Variants in ACAD10 observed in about 807,000 individuals in gnomAD.
The protein encoded by ACAD10 is acyl-CoA dehydrogenase family member 10.
A neutral mutation model predicts 116.8 loss-of-function variants in ACAD10; 112 were observed. The observed-to-expected ratio is 0.96, with a 90% confidence interval of 0.82 to 1.12. The LOEUF is 1.12. ACAD10 is among the 50% of genes most tolerant of loss of function. The pLI is 0.00. For missense variants in ACAD10, 1,259 were observed against 1,350.2 expected (o/e 0.93, Z 1.06); for synonymous variants, 486 against 510.6 (o/e 0.95, Z 0.65).
At position 111,750,785 on chromosome 12, in the gene ACAD10, A is replaced by T. The variant is rs570374629; in HGVS notation, c.2817+1440A>T. Among the ~76,000 whole-genome samples, 16 of 152,112 alleles carry T rather than the reference A, an allele frequency of 1.1e-4. No individual in the cohort carries two copies. The South Asian group carries it at 1.7e-3, about 16-fold the overall frequency. On this transcript the variant is annotated intron_variant, in intron 18 of 20. Coordinates refer to ENST00000313698, the MANE Select transcript of ACAD10 (RefSeq NM_025247.6). Reference sequence around the variant, plus strand: ...CAGCTGCTTCCAGGACAGGAATTCAAATTGGTGATTATCAATTTCAGAAAG... The same window carrying T: ...CAGCTGCTTCCAGGACAGGAATTCATATTGGTGATTATCAATTTCAGAAAG...
At chr12:111,720,164 A>G (rs1888977028) in intron 7 of ACAD10, among the ~76,000 whole-genome samples, 1 of 152,202 alleles carries the variant, frequency 6.6e-6, no homozygotes, top group African/African-American at 2.4e-5. Context: ...GTGCTGGGCT[A>G]GATTTTAATT....
intron 10 of ACAD10, among the ~76,000 whole-genome samples, chr12:111,731,609 G>A (rs1889385997): frequency 6.6e-6 from 1 of 152,192 alleles, no homozygotes; most frequent in African/African-American, 2.4e-5. Context: ...AGTGAAGTAT[G>A]ATGATCATTT....
chr12:111,725,927 A>G (rs1451897142), intron 8 of ACAD10, among the ~76,000 whole-genome samples: 2 of 152,102 alleles, frequency 1.3e-5, no homozygotes, highest in Non-Finnish European at 2.9e-5. Flanking sequence ...AATTTCCCCA[A>G]TCCAAAACAT....
chr12:111,744,627 C>A lies in ACAD10; in HGVS notation c.1715-16C>A, dbSNP rs1593051329. The A allele has an allele frequency of 6.3e-7, 1 of 1,598,868 alleles. No homozygotes were observed. On this transcript the variant is annotated splice_polypyrimidine_tract_variant and intron_variant, in intron 12 of 20. Coordinates refer to ENST00000313698, the MANE Select transcript of ACAD10 (RefSeq NM_025247.6). Reference sequence around the variant, plus strand: ...TCGTGTGGGAGTAATCACTGTTTTTCTTTGATTCTGCTTAGGGCAAGCAAG... The same window carrying A: ...TCGTGTGGGAGTAATCACTGTTTTTATTTGATTCTGCTTAGGGCAAGCAAG...
At chr12:111,746,054 G>A in intron 13 of ACAD10, 90 bp from the exon 14 acceptor site, 1 of 1,517,944 alleles carries the variant, frequency 6.6e-7, no homozygotes, top group South Asian at 1.3e-5. Context: ...TGTCTGCCTT[G>A]TTTCCTCCAA....
At chr12:111,741,839 CTG>C (rs1243461943) in intron 12 of ACAD10, among the ~76,000 whole-genome samples, 2 of 152,156 alleles carry the variant, frequency 1.3e-5, no homozygotes, top group Non-Finnish European at 2.9e-5. Flanking sequence ...GCCAGGAAAA[CTG>C]GAGCTTAGAG....
At chr12:111,737,059 G>T (rs957060040) in intron 12 of ACAD10, 55 bp downstream of exon 12, 7 of 1,570,250 alleles carry the variant, frequency 4.5e-6, no homozygotes, top group Non-Finnish European at 4.3e-6. Flanking sequence ...AGCAAGGACC[G>T]TGCCTCCACC....
chr12:111,728,528 C>A (rs1320930619), intron 9 of ACAD10, among the ~76,000 whole-genome samples: 2 of 151,896 alleles, frequency 1.3e-5, no homozygotes, highest in African/African-American at 4.8e-5. Context: ...CCTAAATATT[C>A]TTTTCAACAG....
In ACAD10 at chr12:111,729,906, C is replaced by T. The variant is rs202003128; in HGVS notation, c.1344C>T (p.Pro448=). Residue 448 remains proline, a synonymous_variant, in exon 10 of 21, where the codon CCC becomes CCT. Coordinates refer to ENST00000313698, the MANE Select transcript of ACAD10 (RefSeq NM_025247.6). The part of the protein sequence containing the change: ...PAMERLIEWL[P]LHLPRQQRTT... ...TGGAGAGGCTGATCGAATGGCTGCC[C>T]CTCCATCTTCCCCGTCAGCAGAGGA... 6.2e-7 allele frequency: 1 copy of T among 1,614,128 alleles called. No individual in the cohort carries two copies. The highest frequency in any genetic ancestry group is 1.3e-5 in the African/African-American group (1 of 75,038).
chr12:111,701,607 A>G (rs185856635), intron 2 of ACAD10, among the ~76,000 whole-genome samples: 6 of 152,284 alleles, frequency 3.9e-5, no homozygotes, highest in East Asian at 1.9e-4. Context: ...GGAGGTTGCA[A>G]TGAGCTGAGA....
intron 6 of ACAD10, among the ~76,000 whole-genome samples, chr12:111,712,897 G>A (rs1156309728): frequency 4.6e-5 from 7 of 152,190 alleles, no homozygotes; most frequent in African/African-American, 1.7e-4. Context: ...TGAGAGTGTG[G>A]TATGGCAGTG....
chr12:111,723,117 A>G (rs1412991619), intron 8 of ACAD10, among the ~76,000 whole-genome samples: 4 of 132,676 alleles, frequency 3.0e-5, no homozygotes, highest in African/African-American at 2.9e-5. Flanking sequence ...CTCACCTCCC[A>G]GACGGGGCGG....
At chr12:111,750,692 C>A (rs1425661643) in intron 18 of ACAD10, among the ~76,000 whole-genome samples, 1 of 152,218 alleles carries the variant, frequency 6.6e-6, no homozygotes, top group Non-Finnish European at 1.5e-5. Flanking sequence ...TCCTCCACAG[C>A]ACATCCAGAA....
intron 11 of ACAD10, among the ~76,000 whole-genome samples, chr12:111,734,359 G>A (rs1382161340): frequency 6.6e-6 from 1 of 152,234 alleles, no homozygotes; most frequent in African/African-American, 2.4e-5. Flanking sequence ...TGGGTGTGGT[G>A]TCTCATGCCT....
Position 111,734,040 on chromosome 12 carries a change from C to T in ACAD10, c.1512C>T (p.Tyr504=), listed in dbSNP as rs1889478455. The T allele has an allele frequency of 1.2e-6, 2 of 1,614,090 alleles. No homozygotes were observed. Among genetic ancestry groups the T allele is most frequent in the African/African-American group, 1.3e-5 (1 of 74,934 alleles). Residue 504 remains tyrosine, a synonymous_variant, in exon 11 of 21, where the codon TAC becomes TAT. Coordinates refer to ENST00000313698, the MANE Select transcript of ACAD10 (RefSeq NM_025247.6). Reference sequence around the variant, plus strand: ...TGGCCTACAGCTGCCTGGCTCATTACCTGCCATCCAGTTTTCCCGTGCTGA... The same window carrying T: ...TGGCCTACAGCTGCCTGGCTCATTATCTGCCATCCAGTTTTCCCGTGCTGA... ...ADVAYSCLAH[Y]LPSSFPVLRG... is the part of the protein sequence containing the mutation.
At chr12:111,720,529 C>T (rs1888986395) in intron 7 of ACAD10, among the ~76,000 whole-genome samples, 1 of 152,116 alleles carries the variant, frequency 6.6e-6, no homozygotes, top group Admixed American at 6.6e-5. Context: ...GCAGTTGTAT[C>T]ATTTTCAAAT....
chr12:111,700,595 T>C, intron 2 of ACAD10, among the ~76,000 whole-genome samples: 1 of 152,154 alleles, frequency 6.6e-6, no homozygotes, highest in East Asian at 1.9e-4. Context: ...AAATGCTATA[T>C]GCTTTAGCTC....
chr12:111,727,133 G>A (rs781432231), intron 8 of ACAD10, among the ~76,000 whole-genome samples: 1 of 152,050 alleles, frequency 6.6e-6, no homozygotes, highest in Non-Finnish European at 1.5e-5. Context: ...GGCTGAGGCA[G>A]GATAATCGCT....
rs116187125 is a variant in ACAD10, at chr12:111,746,200, C to T, written c.2172C>T (p.Pro724=). The T allele has an allele frequency of 4.3e-5, 70 of 1,613,870 alleles. No homozygotes were observed. Among genetic ancestry groups the T allele is most frequent in the Non-Finnish European group, 5.3e-5 (62 of 1,179,964 alleles). Residue 724 remains proline, a synonymous_variant, in exon 14 of 21, where the codon CCC becomes CCT. Coordinates refer to ENST00000313698, the MANE Select transcript of ACAD10 (RefSeq NM_025247.6). ...WNLFLPLEAD[P]EKKYGAGLTN... is the part of the protein sequence containing the mutation. ...TTTTCCTACCCTTAGAGGCTGATCCCGAGAAAAAATACGGAGCAGGACTGA... is the reference window on the plus strand; with the variant it reads ...TTTTCCTACCCTTAGAGGCTGATCCTGAGAAAAAATACGGAGCAGGACTGA...
Sources: gnomAD v4.1 joint callset for allele counts (sites outside exome capture counted in the v4.1 genomes callset) on GRCh38, gnomAD v4.1.1 for gene constraint, MANE v1.5 for transcripts, NCBI Gene and HGNC (gene_info 2026-07-23, HGNC 2026-07-21) for gene names.